The following ADGRB3 variants were observed in gnomAD, a reference collection of about 807,000 sequenced individuals.
ADGRB3 encodes the protein adhesion G protein-coupled receptor B3.
A neutral mutation model predicts 193.4 loss-of-function variants in ADGRB3; 37 were observed. The ratio of observed to expected loss-of-function variants is 0.19; its 90% CI spans 0.15 to 0.25. ADGRB3 has a LOEUF of 0.25. ADGRB3 is among the 10% of genes least tolerant of loss of function. The probability of loss-of-function intolerance (pLI) is 1.00; values close to 1 mark genes in which losing one functional copy is unlikely to be tolerated. For synonymous variants in ADGRB3, 690 were observed against 644.2 expected (o/e 1.07, Z -1.08); for missense variants, 1,637 against 1,852.9 (o/e 0.88, Z 2.14).
rs765489730 is a variant in ADGRB3 at position 68,643,438 on chromosome 6, C to CTTTTTTTTTTTTTTTTT, written c.757+4012_757+4028dup. On this transcript the variant is annotated intron_variant, in intron 3 of 31. Coordinates refer to ENST00000370598, the MANE Select transcript of ADGRB3 (RefSeq NM_001704.3). The stretch of plus-strand genomic sequence containing the variant: ...CTTTCTCTTTACACTCTTCATCTTC[C>CTTTTTTTTTTTTTTTTT]TTTTTTTTTTTTTTTTTTTTTTCGT... Among the ~76,000 whole-genome samples, 17 of 65,022 alleles carry CTTTTTTTTTTTTTTTTT rather than the reference C, an allele frequency of 2.6e-4. 2 individuals are homozygous for CTTTTTTTTTTTTTTTTT. Among genetic ancestry groups the CTTTTTTTTTTTTTTTTT allele is most frequent in the East Asian group, 5.4e-4 (1 of 1,862 alleles). 42.7% of individuals were successfully genotyped at this position (65,022 alleles called of 152,430 possible). A position where few individuals can be genotyped will look rare whatever the true frequency, so the allele number is the denominator to read the frequency against.
At chr6:68,762,562 AGG>A (rs1205282506) in intron 3 of ADGRB3, among the ~76,000 whole-genome samples, 2,301 of 152,208 alleles carry the variant, frequency 0.015, 27 homozygotes, top group Non-Finnish European at 0.024. Flanking sequence ...TTGAATAAAT[AGG>A]ACTAGTAAAT....
rs1162716973 is a variant in ADGRB3 at position 69,048,250 on chromosome 6, C to T, written c.2173C>T (p.Arg725Trp). The T allele has an allele frequency of 3.1e-6, 5 of 1,613,406 alleles. No homozygotes were observed. Among genetic ancestry groups the T allele is most frequent in the South Asian group, 1.1e-5 (1 of 91,052 alleles). ...AGACATCAACTTTCCAATGAAAGGA[C>T]GGAAGGGAATGGTTGACTGGGCAAG... is the stretch of plus-strand genomic sequence containing the variant. ...LTDINFPMKG[R>W]KGMVDWARNS... Residue 725 changes from arginine (R) to tryptophan (W), a missense_variant, in exon 14 of 32, where the codon CGG (arginine) becomes TGG (tryptophan). This residue lies in a region of ADGRB3 where 641 missense variants were observed against 673.9 expected (regional missense o/e 0.95). Transcript: ENST00000370598.
intron 11 of ADGRB3, among the ~76,000 whole-genome samples, chr6:69,010,197 C>T (rs1330255224): frequency 2.0e-5 from 3 of 152,052 alleles, no homozygotes; most frequent in African/African-American, 7.2e-5. Flanking sequence ...CATAATGCCT[C>T]TCACATAGTA....
chr6:69,169,274 T>C lies in ADGRB3; in HGVS notation c.2481-64016T>C, dbSNP rs568066521. The stretch of plus-strand genomic sequence containing the variant: ...TGAAAATGTTGTTTATTTTGAAATA[T>C]GTAGCCCACATCTAGCAAGTATAAA... On this transcript the variant is annotated intron_variant, in intron 17 of 31. Transcript: ENST00000370598. 3.5e-4 allele frequency among the ~76,000 whole-genome samples: 54 copies of C among 152,168 alleles called. No homozygotes were observed. The South Asian group carries it at 0.01, about 29-fold the overall frequency.
chr6:68,914,825 C>T (rs1006043422), intron 3 of ADGRB3, among the ~76,000 whole-genome samples: 3 of 152,148 alleles, frequency 2.0e-5, no homozygotes, highest in African/African-American at 4.8e-5. Context: ...TTAATGACTC[C>T]ATAGGATTAC....
At chr6:68,914,661 T>A (rs935733472) in intron 3 of ADGRB3, among the ~76,000 whole-genome samples, 10 of 152,088 alleles carry the variant, frequency 6.6e-5, no homozygotes, top group Non-Finnish European at 1.3e-4. Flanking sequence ...CCAGCTAACA[T>A]CATAATGACA....
intron 17 of ADGRB3, among the ~76,000 whole-genome samples, chr6:69,195,513 A>G (rs1765276428): frequency 7.0e-6 from 1 of 142,318 alleles, no homozygotes; most frequent in South Asian, 2.3e-4. Context: ...ACAGAGTGAT[A>G]TCCTGTCTCA....
chr6:69,011,133 A>ATG (rs1312979149), intron 11 of ADGRB3, among the ~76,000 whole-genome samples: 17 of 97,160 alleles, frequency 1.7e-4, no homozygotes, highest in African/African-American at 7.0e-4. Context: ...ATATACATAT[A>ATG]TATGTGTGTG....
intron 10 of ADGRB3, among the ~76,000 whole-genome samples, chr6:68,991,552 G>A (rs1769238064): frequency 6.7e-6 from 1 of 148,988 alleles, no homozygotes; most frequent in South Asian, 2.2e-4. Context: ...CAAGGCCCCC[G>A]CCATCCCCTC....
chr6:69,026,072 T>C (rs141923526), intron 13 of ADGRB3, among the ~76,000 whole-genome samples: 73 of 152,310 alleles, frequency 4.8e-4, no homozygotes, highest in Middle Eastern at 3.4e-3. Flanking sequence ...ATTCAGTAAA[T>C]ATCTGCCATG....
At chr6:68,989,209 G>A (rs888474069) in intron 10 of ADGRB3, among the ~76,000 whole-genome samples, 4 of 151,836 alleles carry the variant, frequency 2.6e-5, no homozygotes, top group African/African-American at 4.8e-5. Flanking sequence ...TAAAAGAATA[G>A]GAAATATTTT....
At chr6:68,727,200 T>G (rs1765689287) in intron 3 of ADGRB3, among the ~76,000 whole-genome samples, 1 of 151,580 alleles carries the variant, frequency 6.6e-6, no homozygotes, top group African/African-American at 2.4e-5. Context: ...TTTCAAAGTA[T>G]TGATTTATTC....
chr6:68,934,591 T>A (rs964880117), intron 4 of ADGRB3, among the ~76,000 whole-genome samples: 1 of 152,176 alleles, frequency 6.6e-6, no homozygotes, highest in Non-Finnish European at 1.5e-5. Flanking sequence ...ATTAATAACA[T>A]GCAACCATAA....
chr6:68,947,440 C>T (rs139621845), intron 6 of ADGRB3, among the ~76,000 whole-genome samples: 22 of 151,960 alleles, frequency 1.4e-4, no homozygotes, highest in African/African-American at 4.6e-4. Context: ...TTTCTCTCTC[C>T]ATGCAACTCT....
At chr6:68,907,755 G>A (rs766821147) in intron 3 of ADGRB3, among the ~76,000 whole-genome samples, 6 of 151,786 alleles carry the variant, frequency 4.0e-5, no homozygotes, top group Admixed American at 6.6e-5. Context: ...AGTATTTTCA[G>A]ATAAGTTATT....
intron 8 of ADGRB3, among the ~76,000 whole-genome samples, chr6:68,968,838 T>G (rs1030254691): frequency 2.6e-5 from 4 of 152,164 alleles, no homozygotes; most frequent in Non-Finnish European, 5.9e-5. Flanking sequence ...ATGAATATCA[T>G]TTATTACACT....
rs550116571 is a variant in ADGRB3, at chr6:68,702,910, T to A, written c.757+63478T>A. ...GGATACATATGTATGTGGCTAGAAC[T>A]TGTACAGAATTCATGTGACTTTTGG... On this transcript the variant is annotated intron_variant, in intron 3 of 31. Transcript: ENST00000370598. Among the ~76,000 whole-genome samples the A allele has an allele frequency of 1.2e-4, 18 of 152,278 alleles. No individual in the cohort carries two copies. In the East Asian group the frequency reaches 3.1e-3, roughly 26 times the overall value.
At chr6:69,128,207 CA>C (rs775651449) in intron 17 of ADGRB3, among the ~76,000 whole-genome samples, 1 of 152,114 alleles carries the variant, frequency 6.6e-6, no homozygotes, top group Non-Finnish European at 1.5e-5. Flanking sequence ...TGTTCACTGT[CA>C]CCTGTCTACT....
At chr6:69,297,410 C>CTATA (rs753511956) in intron 20 of ADGRB3, among the ~76,000 whole-genome samples, 4,621 of 128,126 alleles carry the variant, frequency 0.036, 119 homozygotes, top group Middle Eastern at 0.071. Flanking sequence ...CTCTCTCTCT[C>CTATA]TATATATATA....
Sources: gnomAD v4.1 joint callset for allele counts (sites outside exome capture counted in the v4.1 genomes callset) on GRCh38, gnomAD v4.1.1 for gene constraint, gnomAD v4.1.1 regional missense constraint, MANE v1.5 for transcripts, NCBI Gene and HGNC (gene_info 2026-07-23, HGNC 2026-07-21) for gene names.